The following GLG1 variants were observed in gnomAD, a reference collection of about 807,000 sequenced individuals.
GLG1 encodes the protein Golgi apparatus protein 1.
Under a neutral mutation model 160.5 loss-of-function variants are expected in GLG1, and 38 were observed. That is an observed-to-expected ratio of 0.24 (90% confidence interval 0.18 to 0.31). The LOEUF is 0.31. GLG1 is among the 10% of genes least tolerant of loss of function. GLG1 has a pLI of 1.00. For synonymous variants in GLG1, 644 were observed against 543.4 expected (o/e 1.19, Z -2.57); for missense variants, 1,373 against 1,505.2 (o/e 0.91, Z 1.45).
At chr16:74,470,112 C>T (rs1263029340) in intron 15 of GLG1, 39 bp from the exon 16 acceptor site, 1 of 1,262,086 alleles carries the variant, frequency 7.9e-7, no homozygotes, top group Non-Finnish European at 1.2e-6. Context: ...AGTTTTGTGG[C>T]AACTTGTGGT....
intron 7 of GLG1, among the ~76,000 whole-genome samples, chr16:74,492,540 T>G (rs1326450304): frequency 6.8e-6 from 1 of 146,324 alleles, no homozygotes; most frequent in African/African-American, 2.5e-5. Flanking sequence ...AAAAAATTGC[T>G]AGGTGCGGTG....
intron 18 of GLG1, 97 bp downstream of exon 18, chr16:74,467,659 G>A: frequency 1.2e-6 from 1 of 802,590 alleles, no homozygotes. Flanking sequence ...AAAAATTCAT[G>A]ACTAAAATGT....
At position 74,557,913 on chromosome 16, in the gene GLG1, G is replaced by A. The variant is rs147258666; in HGVS notation, c.439-25760C>T. Among the ~76,000 whole-genome samples, 10 of 152,192 alleles carry A rather than the reference G, an allele frequency of 6.6e-5. No homozygotes were observed. The East Asian group carries it at 1.5e-3, about 23-fold the overall frequency. ...GAAAGTGTCCTGTCTTGAAGATTGTGCTGAGGGGATAATGAGTCCTTTTTT... is the reference window on the plus strand; with the variant it reads ...GAAAGTGTCCTGTCTTGAAGATTGTACTGAGGGGATAATGAGTCCTTTTTT... On this transcript the variant is annotated intron_variant, in intron 1 of 25. Coordinates refer to ENST00000422840, the MANE Select transcript of GLG1 (RefSeq NM_001145667.2).
intron 1 of GLG1, among the ~76,000 whole-genome samples, chr16:74,571,568 C>T (rs372482304): frequency 6.4e-4 from 97 of 151,864 alleles, no homozygotes; most frequent in African/African-American, 2.3e-3. Flanking sequence ...GCAAGAGAAT[C>T]GCTCGTACCC....
At chr16:74,523,185 C>A (rs540774661) in intron 2 of GLG1, among the ~76,000 whole-genome samples, 1 of 152,312 alleles carries the variant, frequency 6.6e-6, no homozygotes, top group East Asian at 1.9e-4. Context: ...ATCTCCAAGT[C>A]ATGAAGATAT....
At chr16:74,476,225 G>A (rs989033237) in intron 12 of GLG1, among the ~76,000 whole-genome samples, 1 of 151,914 alleles carries the variant, frequency 6.6e-6, no homozygotes, top group Non-Finnish European at 1.5e-5. Flanking sequence ...TCTCCATGAC[G>A]GGCTGCAATG....
chr16:74,448,042 AC>A lies in GLG1; in HGVS notation c.*5124del, dbSNP rs2143072172. Reference sequence around the variant, plus strand: ...GACCACGGGTCAGGATCCTGTCACCACCAGCCTGAGCAGACAGTCCCATCTT... The same window carrying A: ...GACCACGGGTCAGGATCCTGTCACCACAGCCTGAGCAGACAGTCCCATCTT... On this transcript the variant is annotated 3_prime_UTR_variant, in exon 26 of 26. Transcript: ENST00000422840. 1 of 152,558 alleles carries A rather than the reference AC, an allele frequency of 6.6e-6. No individual in the cohort carries two copies. The highest frequency in any genetic ancestry group is 2.1e-4 in the South Asian group (1 of 4,834). The allele number at this position is 152,558 out of a possible 1,614,324, so 9.5% of individuals were successfully genotyped here.
chr16:74,550,371 TG>T (rs1242378741), intron 1 of GLG1, among the ~76,000 whole-genome samples: 1 of 152,032 alleles, frequency 6.6e-6, no homozygotes, highest in Admixed American at 6.6e-5. Flanking sequence ...TAATATATCC[TG>T]GTCAATATGT....
intron 4 of GLG1, among the ~76,000 whole-genome samples, chr16:74,499,520 C>A (rs967396596): frequency 6.6e-6 from 1 of 152,178 alleles, no homozygotes; most frequent in Non-Finnish European, 1.5e-5. Context: ...ACATGCTGTA[C>A]AGGTTTGTAG....
At chr16:74,556,152 A>G (rs1421206124) in intron 1 of GLG1, among the ~76,000 whole-genome samples, 1 of 152,202 alleles carries the variant, frequency 6.6e-6, no homozygotes, top group East Asian at 1.9e-4. Context: ...CGCCTACTTT[A>G]TATTACAGTT....
intron 1 of GLG1, among the ~76,000 whole-genome samples, chr16:74,540,494 C>G (rs1175812810): frequency 2.6e-5 from 4 of 151,716 alleles, no homozygotes; most frequent in Non-Finnish European, 5.9e-5. Context: ...ATATACAGAG[C>G]TCAACCAATC....
chr16:74,542,735 GAGGAAGGA>G (rs1193967031), intron 1 of GLG1, among the ~76,000 whole-genome samples: 344 of 28,636 alleles, frequency 0.012, 20 homozygotes, highest in African/African-American at 0.024. Flanking sequence ...GGAAGGAAGG[GAGGAAGGA>G]AGGAAGGAAG....
chr16:74,531,609 G>T (rs1257308146), intron 2 of GLG1, among the ~76,000 whole-genome samples: 1 of 152,160 alleles, frequency 6.6e-6, no homozygotes, highest in African/African-American at 2.4e-5. Flanking sequence ...TTACAGGTGT[G>T]AACCACCATG....
At chr16:74,534,643 G>A (rs990059735) in intron 1 of GLG1, among the ~76,000 whole-genome samples, 24 of 151,976 alleles carry the variant, frequency 1.6e-4, no homozygotes, top group Admixed American at 5.2e-4. Flanking sequence ...TCCCTACAGC[G>A]GGAGACTGGA....
chr16:74,517,626 T>C (rs150429415), intron 2 of GLG1, among the ~76,000 whole-genome samples: 6,199 of 152,224 alleles, frequency 0.041, 173 homozygotes, highest in Non-Finnish European at 0.065. Flanking sequence ...AGCATTCCCT[T>C]TGAAAACCAG....
At chr16:74,523,071 A>C (rs1315160379) in intron 2 of GLG1, among the ~76,000 whole-genome samples, 3 of 152,236 alleles carry the variant, frequency 2.0e-5, no homozygotes, top group African/African-American at 7.2e-5. Context: ...CCCAATTAAG[A>C]AAACTTAAAT....
Position 74,510,553 on chromosome 16 carries a change from T to C in GLG1, c.472-1628A>G, listed in dbSNP as rs1359249134. Among the ~76,000 whole-genome samples the C allele has an allele frequency of 3.3e-5, 5 of 152,202 alleles. No homozygotes were observed. In the South Asian group the frequency reaches 6.2e-4, roughly 19 times the overall value. ...GGATGATGTAGAACATGAAGATGTA[T>C]GTATATATTCATTTTTGGAGGGGGG... On this transcript the variant is annotated intron_variant, in intron 2 of 25. Coordinates refer to ENST00000422840, the MANE Select transcript of GLG1 (RefSeq NM_001145667.2).
chr16:74,534,750 C>T (rs1376939062), intron 1 of GLG1, among the ~76,000 whole-genome samples: 8 of 151,986 alleles, frequency 5.3e-5, no homozygotes, highest in South Asian at 4.2e-4. Context: ...AGTATACACC[C>T]GGCTCCGCTG....
intron 23 of GLG1, chr16:74,458,434 A>C (rs1367111511): frequency 2.6e-5 from 4 of 155,824 alleles, no homozygotes; most frequent in Admixed American, 2.5e-4. Flanking sequence ...TTATGCCTGT[A>C]ATCCCAGCAC....
Sources: allele counts gnomAD v4.1 joint callset (sites outside exome capture counted in the v4.1 genomes callset), GRCh38; gene constraint gnomAD v4.1.1; transcripts MANE v1.5; gene names NCBI Gene and HGNC (gene_info 2026-07-23, HGNC 2026-07-21).